GGA2: variants seen among roughly 807,000 people sequenced by gnomAD.
The protein encoded by GGA2 is ADP-ribosylation factor-binding protein GGA2.
In GGA2, 48 loss-of-function variants were observed where a neutral mutation model predicts 79.5. The ratio of observed to expected loss-of-function variants is 0.60; its 90% CI spans 0.48 to 0.77. The LOEUF (loss-of-function observed/expected upper bound fraction) is 0.77, where lower values mean the gene tolerates loss of function less well. Among genes scored for constraint, GGA2 ranks in the 30% least tolerant of loss-of-function variants. The probability of loss-of-function intolerance (pLI) is 0.00; values close to 1 mark genes in which losing one functional copy is unlikely to be tolerated. For missense variants in GGA2, 770 were observed against 774.0 expected (o/e 0.99, Z 0.06); for synonymous variants, 317 against 302.0 (o/e 1.05, Z -0.51).
chr16:23,521,923 T>C, exon 1 of GGA2: 1 of 440,648 alleles, frequency 2.3e-6, no homozygotes, highest in South Asian at 1.6e-5. Context: ...AATCTTGGTT[T>C]TGCCTCGTAC....
At chr16:23,477,691 G>A (rs891239807) in intron 13 of GGA2, among the ~76,000 whole-genome samples, 1 of 152,142 alleles carries the variant, frequency 6.6e-6, no homozygotes, top group Non-Finnish European at 1.5e-5. Context: ...AGGTTGCAGT[G>A]AGCTGAGATC....
intron 1 of GGA2, chr16:23,501,569 T>C (rs1482289688): frequency 6.2e-6 from 2 of 324,198 alleles, no homozygotes; most frequent in South Asian, 2.6e-5. Context: ...GGCTGTGTCA[T>C]GGCCGTGTGA....
chr16:23,475,862 G>A (rs1252429122), intron 13 of GGA2, among the ~76,000 whole-genome samples: 4 of 151,298 alleles, frequency 2.6e-5, no homozygotes, highest in African/African-American at 7.3e-5. Context: ...CCTGGGAGGC[G>A]GAGGTTGTGG....
At chr16:23,504,167 CCA>C (rs1964950249) in intron 1 of GGA2, among the ~76,000 whole-genome samples, 1 of 152,030 alleles carries the variant, frequency 6.6e-6, no homozygotes, top group Admixed American at 6.6e-5. Flanking sequence ...ATCATCTACA[CCA>C]TTTTACAGAT....
At chr16:23,472,280 G>T (rs1046506423) in intron 14 of GGA2, among the ~76,000 whole-genome samples, 1 of 130,072 alleles carries the variant, frequency 7.7e-6, no homozygotes, top group South Asian at 2.7e-4. Context: ...TGCAACCTCC[G>T]CCTCCCAGGT....
chr16:23,478,870 A>C lies in GGA2; in HGVS notation c.1158+13T>G. 1 of 1,592,722 alleles carries C rather than the reference A, an allele frequency of 6.3e-7. No homozygotes were observed. Among genetic ancestry groups the C allele is most frequent in the Non-Finnish European group, 8.6e-7 (1 of 1,161,402 alleles). On this transcript the variant is annotated intron_variant, in intron 12 of 16. Transcript: ENST00000309859. The stretch of plus-strand genomic sequence containing the variant: ...CCCATTCTCTCTCCGGGCCCTGGGA[A>C]GGGCATCCTTACCATGCCTGTAACA...
chr16:23,469,692 C>T (rs980439954), intron 15 of GGA2: 10 of 198,780 alleles, frequency 5.0e-5, no homozygotes, highest in Non-Finnish European at 9.1e-5. Flanking sequence ...AAGGACCATG[C>T]AACCCTGGAG....
At chr16:23,520,784 C>T (rs1238553497) in intron 1 of GGA2, among the ~76,000 whole-genome samples, 2 of 151,760 alleles carry the variant, frequency 1.3e-5, no homozygotes, top group Non-Finnish European at 2.9e-5. Flanking sequence ...TTATTAATTT[C>T]GCTTTTTTAT....
intron 9 of GGA2, 59 bp from the exon 10 acceptor site, chr16:23,480,829 T>G: frequency 6.5e-7 from 1 of 1,530,616 alleles, no homozygotes; most frequent in Admixed American, 1.7e-5. Context: ...TCTCAGTCTT[T>G]TCTAAGCTTT....
rs563170343 is a variant in GGA2, at chr16:23,494,547, G to A, written c.177-169C>T. ...CGGGGGCCCTGGAGAGGGCCACCTCGCACCCACCCTGGTTGCACCTACAGC... is the reference window on the plus strand; with the variant it reads ...CGGGGGCCCTGGAGAGGGCCACCTCACACCCACCCTGGTTGCACCTACAGC... On this transcript the variant is annotated intron_variant, in intron 2 of 16. Coordinates refer to ENST00000309859, the MANE Select transcript of GGA2 (RefSeq NM_015044.4). 1.4e-5 allele frequency: 9 copies of A among 623,156 alleles called. No homozygotes were observed. In the East Asian group the frequency reaches 1.6e-4, roughly 11 times the overall value. 38.6% of individuals were successfully genotyped at this position (623,156 alleles called of 1,614,324 possible).
At chr16:23,512,592 G>A (rs1383557729), upstream of GGA2, among the ~76,000 whole-genome samples, 1 of 150,750 alleles carries the variant, frequency 6.6e-6, no homozygotes, top group Non-Finnish European at 1.5e-5. Flanking sequence ...AACCAGTTCT[G>A]CCCCCACTTG....
chr16:23,507,887 GA>G (rs1964990855), intron 1 of GGA2, among the ~76,000 whole-genome samples: 1 of 152,056 alleles, frequency 6.6e-6, no homozygotes. Flanking sequence ...GAGCCCAGGA[GA>G]GGGGTAAGCT....
chr16:23,480,292 A>G (rs546419612), intron 10 of GGA2: 8 of 309,496 alleles, frequency 2.6e-5, no homozygotes, highest in African/African-American at 1.5e-4. Flanking sequence ...CCGCATTTCA[A>G]CCAGTGCTCC....
At chr16:23,486,653 T>C in intron 7 of GGA2, 57 bp downstream of exon 7, 1 of 983,742 alleles carries the variant, frequency 1.0e-6, no homozygotes, top group South Asian at 1.3e-5. Flanking sequence ...TCATATGCAC[T>C]GTCCTTCAGC....
intron 10 of GGA2, 112 bp downstream of exon 10, chr16:23,480,533 G>C (rs757492980): frequency 2.3e-6 from 2 of 887,804 alleles, no homozygotes; most frequent in African/African-American, 3.3e-5. Flanking sequence ...AACAAAGGGC[G>C]AGTTCTCTCA....
rs766302479 is a variant in GGA2 at position 23,495,786 on chromosome 16, A to G, written c.92-8T>C. 1 of 1,589,606 alleles carries G rather than the reference A, an allele frequency of 6.3e-7. No individual in the cohort carries two copies. The highest frequency in any genetic ancestry group is 1.7e-5 in the Admixed American group (1 of 59,286). Reference sequence around the variant, plus strand: ...TTGGGTCTGTGGCTTTGTCTGTCAAATAAATAATAAAGTTAGAGAGTACAT... The same window carrying G: ...TTGGGTCTGTGGCTTTGTCTGTCAAGTAAATAATAAAGTTAGAGAGTACAT... On this transcript the variant is annotated splice_region_variant and splice_polypyrimidine_tract_variant and intron_variant, in intron 1 of 16. Coordinates refer to ENST00000309859, the MANE Select transcript of GGA2 (RefSeq NM_015044.4).
intron 1 of GGA2, among the ~76,000 whole-genome samples, chr16:23,502,081 G>C (rs35767669): frequency 6.6e-6 from 1 of 152,174 alleles, no homozygotes; most frequent in Non-Finnish European, 1.5e-5. Context: ...AAAAACTTTA[G>C]AATTGGCTCC....
intron 1 of GGA2, among the ~76,000 whole-genome samples, chr16:23,508,511 T>C (rs560134017): frequency 6.6e-6 from 1 of 152,292 alleles, no homozygotes; most frequent in South Asian, 2.1e-4. Flanking sequence ...TTCCTCATTC[T>C]CCTCCATCTT....
rs1014610592 is a variant in GGA2, at chr16:23,463,902, G to A, written c.*3688C>T. The A allele has an allele frequency of 9.9e-5, 15 of 152,262 alleles. No individual in the cohort carries two copies. The highest frequency in any genetic ancestry group is 3.6e-4 in the African/African-American group (15 of 41,458). 9.4% of individuals were successfully genotyped at this position (152,262 alleles called of 1,614,324 possible). ...GGATCGCCTGAACACAGGAATTCAA[G>A]GCTGCATTGAGCTACAATCACGCCA... On this transcript the variant is annotated 3_prime_UTR_variant, in exon 17 of 17. Transcript: ENST00000309859.
Sources: allele counts gnomAD v4.1 joint callset (sites outside exome capture counted in the v4.1 genomes callset), GRCh38; gene constraint gnomAD v4.1.1; transcripts MANE v1.5; gene names NCBI Gene and HGNC (gene_info 2026-07-23, HGNC 2026-07-21).